Variants in SPIDR observed in about 807,000 individuals in gnomAD.
SPIDR encodes the protein scaffold protein involved in DNA repair, also known as DNA repair-scaffolding protein.
Under a neutral mutation model 104.6 loss-of-function variants are expected in SPIDR, and 93 were observed. That is an observed-to-expected ratio of 0.89 (90% CI 0.75 to 1.06). The LOEUF (loss-of-function observed/expected upper bound fraction) is 1.06, where lower values mean the gene tolerates loss of function less well. Ranked by LOEUF, SPIDR falls within the 50% of genes least tolerant of loss-of-function variation. SPIDR has a pLI of 0.00. For synonymous variants in SPIDR, 431 were observed against 416.9 expected (o/e 1.03, Z -0.41); for missense variants, 1,154 against 1,111.2 (o/e 1.04, Z -0.55).
At chr8:47,338,624 T>G (rs1389191565) in intron 5 of SPIDR, among the ~76,000 whole-genome samples, 1 of 152,202 alleles carries the variant, frequency 6.6e-6, no homozygotes, top group Non-Finnish European at 1.5e-5. Flanking sequence ...CCTGGACACT[T>G]TGAAGAAAGT....
intron 10 of SPIDR, among the ~76,000 whole-genome samples, chr8:47,613,626 T>G (rs1394207841): frequency 6.6e-6 from 1 of 152,208 alleles, no homozygotes; most frequent in African/African-American, 2.4e-5. Context: ...TGGTGCAATT[T>G]CTCCACATCC....
At chr8:47,598,515 G>C (rs2061881809) in intron 9 of SPIDR, among the ~76,000 whole-genome samples, 1 of 152,200 alleles carries the variant, frequency 6.6e-6, no homozygotes. Context: ...GCTCAGCCTA[G>C]GAGATTGCAC....
chr8:47,727,169 C>G (rs1032072435), intron 16 of SPIDR, 31 bp from the exon 17 acceptor site: 1 of 1,609,038 alleles, frequency 6.2e-7, no homozygotes, highest in Admixed American at 1.7e-5. Context: ...AGAGCCGCCT[C>G]TGAGGTGGGC....
intron 8 of SPIDR, among the ~76,000 whole-genome samples, chr8:47,575,186 T>C (rs2058934209): frequency 6.6e-6 from 1 of 152,218 alleles, no homozygotes; most frequent in Non-Finnish European, 1.5e-5. Flanking sequence ...CACTTCATCT[T>C]TTTGTTTCTA....
At chr8:47,432,723 G>C (rs2067577802) in intron 7 of SPIDR, among the ~76,000 whole-genome samples, 1 of 152,176 alleles carries the variant, frequency 6.6e-6, no homozygotes, top group African/African-American at 2.4e-5. Context: ...CCTTGTCATA[G>C]AAATAATTTT....
chr8:47,589,790 C>A (rs1210346875), intron 8 of SPIDR, among the ~76,000 whole-genome samples: 1 of 152,024 alleles, frequency 6.6e-6, no homozygotes, highest in Non-Finnish European at 1.5e-5. Flanking sequence ...ATTTTTTAGT[C>A]AATTCATTGA....
At chr8:47,471,171 G>A (rs146081469) in intron 8 of SPIDR, among the ~76,000 whole-genome samples, 141 of 152,244 alleles carry the variant, frequency 9.3e-4, no homozygotes, top group African/African-American at 3.3e-3. Context: ...AAATAGTTAA[G>A]TTGAACTCTA....
intron 8 of SPIDR, among the ~76,000 whole-genome samples, chr8:47,460,317 C>T (rs1225180479): frequency 6.6e-6 from 1 of 151,998 alleles, no homozygotes; most frequent in African/African-American, 2.4e-5. Context: ...TTAGGAGCTC[C>T]AGTGTTAGGT....
At chr8:47,551,702 C>T (rs775302544) in intron 8 of SPIDR, among the ~76,000 whole-genome samples, 9 of 151,908 alleles carry the variant, frequency 5.9e-5, no homozygotes, top group East Asian at 1.9e-4. Context: ...TCAATTTTGT[C>T]GATCATTTCA....
At chr8:47,705,061 G>A (rs1394691680) in intron 14 of SPIDR, among the ~76,000 whole-genome samples, 2 of 152,186 alleles carry the variant, frequency 1.3e-5, no homozygotes, top group African/African-American at 4.8e-5. Flanking sequence ...GAGCAGCCAC[G>A]TGGCAGTTGC....
chr8:47,669,949 G>A (rs1365366006), intron 10 of SPIDR, among the ~76,000 whole-genome samples: 1 of 152,152 alleles, frequency 6.6e-6, no homozygotes, highest in Admixed American at 6.5e-5. Flanking sequence ...GCAGTGGGTC[G>A]AGATTACGCC....
At chr8:47,281,048 A>T (rs1405908964) in intron 2 of SPIDR, among the ~76,000 whole-genome samples, 2 of 152,352 alleles carry the variant, frequency 1.3e-5, no homozygotes, top group Admixed American at 6.5e-5. Flanking sequence ...TAAAGTGATC[A>T]CATGAATTCT....
At chr8:47,296,226 T>G (rs1263732774) in intron 5 of SPIDR, among the ~76,000 whole-genome samples, 2 of 152,188 alleles carry the variant, frequency 1.3e-5, no homozygotes, top group Non-Finnish European at 2.9e-5. Context: ...CCATGGCACA[T>G]CTTTTGCTCT....
chr8:47,558,703 G>T (rs781364925), intron 8 of SPIDR, among the ~76,000 whole-genome samples: 2 of 151,902 alleles, frequency 1.3e-5, no homozygotes, highest in South Asian at 2.1e-4. Context: ...GCAGTGGCAC[G>T]ATCTCAGCTC....
intron 8 of SPIDR, among the ~76,000 whole-genome samples, chr8:47,591,067 T>C (rs921145175): frequency 6.6e-6 from 1 of 152,150 alleles, no homozygotes; most frequent in African/African-American, 2.4e-5. Context: ...AGACGGCATA[T>C]AGATGGATCA....
chr8:47,366,682 G>A (rs528734834), intron 5 of SPIDR, among the ~76,000 whole-genome samples: 4 of 152,312 alleles, frequency 2.6e-5, no homozygotes, highest in South Asian at 2.1e-4. Flanking sequence ...TGAGAAAGGG[G>A]GAGGATATTA....
intron 5 of SPIDR, among the ~76,000 whole-genome samples, chr8:47,361,545 GA>G (rs1461083782): frequency 6.6e-6 from 1 of 152,246 alleles, no homozygotes; most frequent in Admixed American, 6.5e-5. Flanking sequence ...TTTCTCAAAG[GA>G]TGCTCCTCCA....
intron 10 of SPIDR, among the ~76,000 whole-genome samples, chr8:47,634,107 A>G (rs1231438372): frequency 6.6e-6 from 1 of 151,706 alleles, no homozygotes; most frequent in East Asian, 1.9e-4. Flanking sequence ...AAAAAAAAAA[A>G]AAAGAATTAC....
Position 47,264,769 on chromosome 8 carries a change from C to T in SPIDR, c.33+3778C>T, listed in dbSNP as rs28428612. On this transcript the variant is annotated intron_variant, in intron 1 of 19. Coordinates refer to ENST00000297423, the MANE Select transcript of SPIDR (RefSeq NM_001080394.4). ...GGCAATATACCTAACATTGAGTTGT[C>T]GTTTCTTTATAAAATGGGGTTAATA... 3.3e-5 allele frequency among the ~76,000 whole-genome samples: 5 copies of T among 151,752 alleles called. No individual in the cohort carries two copies. The East Asian group carries it at 7.7e-4, about 23-fold the overall frequency.
Sources: gnomAD v4.1 joint callset for allele counts (sites outside exome capture counted in the v4.1 genomes callset) on GRCh38, gnomAD v4.1.1 for gene constraint, MANE v1.5 for transcripts, NCBI Gene and HGNC (gene_info 2026-07-23, HGNC 2026-07-21) for gene names.